Variants in CNTN5 observed in about 807,000 individuals in gnomAD.
CNTN5 encodes the protein contactin-5.
A neutral mutation model predicts 129.1 loss-of-function variants in CNTN5; 77 were observed. That is an observed-to-expected ratio of 0.60 (90% CI 0.50 to 0.72). The LOEUF (loss-of-function observed/expected upper bound fraction) is 0.72. CNTN5 is among the 30% of genes least tolerant of loss of function. The probability of loss-of-function intolerance (pLI) is 0.00; values close to 1 mark genes in which losing one functional copy is unlikely to be tolerated. For synonymous variants in CNTN5, 509 were observed against 465.6 expected (o/e 1.09, Z -1.20); for missense variants, 1,478 against 1,328.8 (o/e 1.11, Z -1.75).
chr11:99,647,828 G>C (rs1175406933), intron 3 of CNTN5, among the ~76,000 whole-genome samples: 3 of 151,200 alleles, frequency 2.0e-5, no homozygotes, highest in African/African-American at 7.3e-5. Flanking sequence ...TACTTATTCA[G>C]CTACTTTGTT....
rs1156235104 is a variant in CNTN5, at chr11:99,536,782, G to T, written c.-70-19363G>T. On this transcript the variant is annotated intron_variant, in intron 2 of 24. Transcript: ENST00000524871. ...ATGAGAAAAATGCTTAGGAAGTCCT[G>T]CCCAATAGAAATACAAAAAGAGTCA... 1.7e-4 allele frequency among the ~76,000 whole-genome samples: 25 copies of T among 149,678 alleles called. No homozygotes were observed. The Admixed American group carries it at 1.7e-3, about 10-fold the overall frequency.
At chr11:99,414,091 A>G (rs750996865) in intron 2 of CNTN5, among the ~76,000 whole-genome samples, 2 of 152,204 alleles carry the variant, frequency 1.3e-5, no homozygotes, top group Admixed American at 6.6e-5. Context: ...ATTAGTTGAT[A>G]TTTGAAGAAA....
At chr11:99,932,237 G>A (rs540172562) in intron 7 of CNTN5, among the ~76,000 whole-genome samples, 1 of 152,220 alleles carries the variant, frequency 6.6e-6, no homozygotes, top group East Asian at 1.9e-4. Flanking sequence ...TGTCAGCCCG[G>A]GCTGGAGTTC....
intron 4 of CNTN5, among the ~76,000 whole-genome samples, chr11:99,824,136 G>C (rs1304570385): frequency 1.3e-5 from 2 of 151,730 alleles, no homozygotes; most frequent in Non-Finnish European, 2.9e-5. Context: ...ATGCCTCATT[G>C]GTAATTGTAT....
At chr11:99,517,649 C>T (rs1018749838) in intron 2 of CNTN5, among the ~76,000 whole-genome samples, 2 of 152,046 alleles carry the variant, frequency 1.3e-5, no homozygotes, top group Non-Finnish European at 2.9e-5. Context: ...CCACGCCCCA[C>T]CTCAAAATTT....
chr11:99,894,559 A>G (rs2135924364), intron 6 of CNTN5, among the ~76,000 whole-genome samples: 1 of 151,442 alleles, frequency 6.6e-6, no homozygotes, highest in South Asian at 2.1e-4. Flanking sequence ...AACAAAAACA[A>G]AAAAAACAAA....
intron 9 of CNTN5, among the ~76,000 whole-genome samples, chr11:100,011,261 T>A (rs1301401019): frequency 6.6e-6 from 1 of 152,064 alleles, no homozygotes; most frequent in Non-Finnish European, 1.5e-5. Flanking sequence ...GCACTAGATA[T>A]GTCAACTAGC....
chr11:100,029,568 G>C (rs901624489), intron 9 of CNTN5, among the ~76,000 whole-genome samples: 1 of 151,188 alleles, frequency 6.6e-6, no homozygotes, highest in Non-Finnish European at 1.5e-5. Flanking sequence ...GGGCAACAGC[G>C]AGACTCCATC....
chr11:100,094,029 C>T (rs1277530666), intron 13 of CNTN5, among the ~76,000 whole-genome samples: 1 of 152,040 alleles, frequency 6.6e-6, no homozygotes, highest in Non-Finnish European at 1.5e-5. Flanking sequence ...TGAAACCAGA[C>T]ATATTTAGGC....
intron 1 of CNTN5, among the ~76,000 whole-genome samples, chr11:99,141,371 T>C (rs960793871): frequency 2.0e-5 from 3 of 152,146 alleles, no homozygotes; most frequent in African/African-American, 2.4e-5. Context: ...TAATCTCTTC[T>C]TTGTCATTTC....
intron 13 of CNTN5, among the ~76,000 whole-genome samples, chr11:100,083,229 A>G (rs1423908444): frequency 6.6e-6 from 1 of 151,802 alleles, no homozygotes; most frequent in East Asian, 1.9e-4. Context: ...AGGCAGGAGA[A>G]TCACTTGAAC....
chr11:99,758,570 T>C (rs774764485), intron 3 of CNTN5, among the ~76,000 whole-genome samples: 8 of 152,042 alleles, frequency 5.3e-5, no homozygotes, highest in Middle Eastern at 3.2e-3. Context: ...AATGAAAAGA[T>C]AATTTTCATA....
intron 3 of CNTN5, among the ~76,000 whole-genome samples, chr11:99,670,715 G>A (rs1952999079): frequency 6.6e-6 from 1 of 152,096 alleles, no homozygotes; most frequent in East Asian, 1.9e-4. Flanking sequence ...GGGTGTGGGG[G>A]GACCAAATGG....
At chr11:99,136,085 C>A (rs549047323) in intron 1 of CNTN5, among the ~76,000 whole-genome samples, 1 of 152,114 alleles carries the variant, frequency 6.6e-6, no homozygotes, top group Non-Finnish European at 1.5e-5. Context: ...TTGCCTTCTT[C>A]TTGTCATTTC....
intron 4 of CNTN5, 57 bp from the exon 5 acceptor site, chr11:99,844,795 C>G: frequency 6.6e-7 from 1 of 1,522,804 alleles, no homozygotes; most frequent in Non-Finnish European, 8.9e-7. Flanking sequence ...AAGAAAAAAA[C>G]ACAAAATATC....
chr11:99,985,412 C>G (rs954447611), intron 8 of CNTN5, among the ~76,000 whole-genome samples: 21 of 152,134 alleles, frequency 1.4e-4, no homozygotes, highest in Non-Finnish European at 5.9e-5. Context: ...GTCCAGCTGT[C>G]TCTCTGAAGT....
rs1468351136 is a variant in CNTN5 at position 99,607,102 on chromosome 11, T to G, written c.55+50833T>G. On this transcript the variant is annotated intron_variant, in intron 3 of 24. Transcript: ENST00000524871. ...CAAAAGCCAAAATTGACAAATGGGA[T>G]CTAATGAAACTAAAGAGCTTCTGCA... Among the ~76,000 whole-genome samples, 40 of 126,002 alleles carry G rather than the reference T, an allele frequency of 3.2e-4. No individual in the cohort carries two copies. The South Asian group carries it at 0.011, about 33-fold the overall frequency. The allele number at this position is 126,002 out of a possible 152,430, so 82.7% of individuals were successfully genotyped here.
chr11:99,758,107 G>C (rs1319567949), intron 3 of CNTN5, among the ~76,000 whole-genome samples: 2 of 151,908 alleles, frequency 1.3e-5, no homozygotes, highest in Admixed American at 6.6e-5. Context: ...CTTTGCTTTA[G>C]CTTTGCTAGC....
intron 13 of CNTN5, among the ~76,000 whole-genome samples, chr11:100,182,333 C>A (rs1948161313): frequency 6.6e-6 from 1 of 152,004 alleles, no homozygotes; most frequent in Admixed American, 6.6e-5. Context: ...AGTGAAGGCC[C>A]TCTTTTTGGT....
Sources: gnomAD v4.1 joint callset for allele counts (sites outside exome capture counted in the v4.1 genomes callset) on GRCh38, gnomAD v4.1.1 for gene constraint, MANE v1.5 for transcripts, NCBI Gene and HGNC (gene_info 2026-07-23, HGNC 2026-07-21) for gene names.